Variants in CDKL5 observed in about 807,000 individuals in gnomAD.
CDKL5 encodes the protein cyclin-dependent kinase-like 5.
Under a neutral mutation model 61.7 loss-of-function variants are expected in CDKL5, and 8 were observed. The ratio of observed to expected loss-of-function variants is 0.13; its 90% confidence interval spans 0.08 to 0.23. CDKL5 has a LOEUF of 0.23. CDKL5 is among the 10% of genes least tolerant of loss of function. The pLI, the probability that CDKL5 is intolerant of heterozygous loss-of-function variation, is 1.00. For synonymous variants in CDKL5, 275 were observed against 272.3 expected, an observed-to-expected ratio of 1.01 and a Z score of -0.10; for missense variants, 440 against 734.5, an observed-to-expected ratio of 0.60 and a Z score of 4.63.
At chrX:18,451,871 A>G (rs988968801) in intron 1 of CDKL5, among the ~76,000 whole-genome samples, 2 of 112,261 alleles carry the variant, frequency 1.8e-5, no homozygotes, top group African/African-American at 6.5e-5. Context: ...AAAAATAAGC[A>G]TTAATGTTTA....
chrX:18,446,753 A>G (rs1269459901), intron 1 of CDKL5, among the ~76,000 whole-genome samples: 1 of 111,830 alleles, frequency 8.9e-6, no homozygotes, highest in Non-Finnish European at 1.9e-5. Context: ...AACTCTAGCC[A>G]CTGTTTTCAA....
chrX:18,459,936 G>A (rs994743103), intron 1 of CDKL5, among the ~76,000 whole-genome samples: 5 of 108,328 alleles, frequency 4.6e-5, no homozygotes, highest in African/African-American at 6.7e-5. Context: ...GCAATGGCAC[G>A]ATCTCGGCTC....
chrX:18,652,906 A>T (rs1412276870), intron 21 of CDKL5, among the ~76,000 whole-genome samples: 1 of 112,731 alleles, frequency 8.9e-6, no homozygotes, highest in Non-Finnish European at 1.9e-5. Context: ...TGTATATTTC[A>T]TATTCTAGCC....
In CDKL5 at chrX:18,558,012, G is replaced by A. The variant is rs767168621; in HGVS notation, c.100-6465G>A. On this transcript the variant is annotated intron_variant, in intron 3 of 17. Transcript: ENST00000623535. The stretch of plus-strand genomic sequence containing the variant: ...TTCCAGCTGGGGAAATTTATTCTGG[G>A]AAATGTGAAATGCCTTGATATAGTT... Among the ~76,000 whole-genome samples the A allele has an allele frequency of 2.9e-4, 32 of 110,491 alleles. No homozygotes were observed. In the South Asian group the frequency reaches 3.5e-3, roughly 12 times the overall value.
At chrX:18,553,465 C>CGTGTGTGTGTGTGTGTGTGTGTGCGT (rs1924474120) in intron 3 of CDKL5, among the ~76,000 whole-genome samples, 1 of 90,831 alleles carries the variant, frequency 1.1e-5, no homozygotes, top group African/African-American at 4.0e-5. Context: ...TGTGTGTGTG[C>CGTGTGTGTGTGTGTGTGTGTGTGCGT]GTGTGTGTGT....
At chrX:18,529,997 T>A (rs1371102424) in intron 3 of CDKL5, among the ~76,000 whole-genome samples, 2 of 111,456 alleles carry the variant, frequency 1.8e-5, no homozygotes, top group Middle Eastern at 4.6e-3. Flanking sequence ...CTTTTGTAAT[T>A]TTCCCATAAT....
intron 9 of CDKL5, among the ~76,000 whole-genome samples, chrX:18,593,745 C>T (rs1242251162): frequency 2.7e-5 from 3 of 112,608 alleles, no homozygotes; most frequent in Non-Finnish European, 5.6e-5. Context: ...CATAACATCA[C>T]TTCCCTCAGA....
intron 1 of CDKL5, among the ~76,000 whole-genome samples, chrX:18,438,255 G>A (rs1290468450): frequency 3.7e-5 from 4 of 108,680 alleles, no homozygotes; most frequent in Non-Finnish European, 7.6e-5. Flanking sequence ...TAGTAAAGAC[G>A]GGGTTTCACC....
chrX:18,490,951 C>G (rs1263531477), intron 1 of CDKL5, among the ~76,000 whole-genome samples: 4 of 111,973 alleles, frequency 3.6e-5, no homozygotes. Flanking sequence ...CTGTCCATGC[C>G]TCGCAAAGTT....
chrX:18,489,833 T>C (rs1921928249), intron 1 of CDKL5, among the ~76,000 whole-genome samples: 1 of 110,160 alleles, frequency 9.1e-6, no homozygotes, highest in East Asian at 2.9e-4. Context: ...GGAGGATCAC[T>C]GGAGTCCAGG....
intron 1 of CDKL5, among the ~76,000 whole-genome samples, chrX:18,487,354 C>T (rs1213258412): frequency 8.9e-6 from 1 of 112,410 alleles, no homozygotes; most frequent in Non-Finnish European, 1.9e-5. Context: ...CACCGGAGTG[C>T]ACTAGTGATC....
chrX:18,651,032 T>A (rs1928005739), intron 21 of CDKL5, among the ~76,000 whole-genome samples: 1 of 110,724 alleles, frequency 9.0e-6, no homozygotes, highest in African/African-American at 3.3e-5. Flanking sequence ...CCTTCTTGAA[T>A]TTTGCATGTT....
At chrX:18,595,995 A>G (rs150613799) in intron 10 of CDKL5, among the ~76,000 whole-genome samples, 385 of 111,150 alleles carry the variant, frequency 3.5e-3, no homozygotes, top group African/African-American at 0.012. Flanking sequence ...AAATTTCTTT[A>G]TTCAAGTTTA....
At chrX:18,653,592 A>G (rs1928143597) in exon 22 of CDKL5, 5 of 1,174,181 alleles carry the variant, frequency 4.3e-6, no homozygotes, top group Non-Finnish European at 5.8e-6. Context: ...CACCTCTCTC[A>G]TGGAAGAACC....
At chrX:18,651,293 G>A (rs1361129741) in intron 21 of CDKL5, among the ~76,000 whole-genome samples, 1 of 108,671 alleles carries the variant, frequency 9.2e-6, no homozygotes, top group Admixed American at 1.0e-4. Flanking sequence ...GAGAGACAGA[G>A]AGACACAGAG....
Position 18,604,336 on chromosome X carries a change from A to C in CDKL5, c.1412A>C (p.Asp471Ala). 1 of 1,210,065 alleles carries C rather than the reference A, an allele frequency of 8.3e-7. No individual in the cohort carries two copies. Among genetic ancestry groups the C allele is most frequent in the Non-Finnish European group, 1.1e-6 (1 of 894,392 alleles). Residue 471 changes from aspartate to alanine, a missense_variant, in exon 12 of 18, where the codon GAC (aspartate) becomes GCC (alanine). Physicochemically the swap from Asp to Ala is moderately radical, Grantham distance 126 (BLOSUM62 -2). Around this residue, in one of 2 missense-constraint regions of CDKL5, gnomAD observed 363 missense variants for 516.3 expected, o/e 0.70. Coordinates refer to ENST00000623535, the MANE Select transcript of CDKL5 (RefSeq NM_001323289.2). Reference protein sequence around the residue: ...NEKQSRHSYIDTIPQSSRSPS... With the variant: ...NEKQSRHSYIATIPQSSRSPS... ...AAGCAGAGTCGGCATAGCTATATTGACACAATTCCCCAGTCCTCTAGGAGT... is the reference window on the plus strand; with the variant it reads ...AAGCAGAGTCGGCATAGCTATATTGCCACAATTCCCCAGTCCTCTAGGAGT...
intron 1 of CDKL5, among the ~76,000 whole-genome samples, chrX:18,434,940 A>G (rs1412995931): frequency 1.8e-5 from 2 of 111,923 alleles, no homozygotes; most frequent in African/African-American, 3.3e-5. Flanking sequence ...AAAGGAAGAA[A>G]AAGATTTTGT....
intron 3 of CDKL5, among the ~76,000 whole-genome samples, chrX:18,528,032 A>G (rs1224666019): frequency 9.0e-6 from 1 of 111,122 alleles, no homozygotes; most frequent in Non-Finnish European, 1.9e-5. Flanking sequence ...TTCTATTTTT[A>G]TTCCGTTGTG....
chrX:18,546,258 C>CT (rs935420091), intron 3 of CDKL5, among the ~76,000 whole-genome samples: 1,315 of 90,424 alleles, frequency 0.015, 31 homozygotes, highest in African/African-American at 0.034. Flanking sequence ...TCTACTTCTT[C>CT]TTTTTTTTTT....
Sources: allele counts gnomAD v4.1 joint callset (sites outside exome capture counted in the v4.1 genomes callset), GRCh38; gene constraint gnomAD v4.1.1; regional missense constraint gnomAD v4.1.1; transcripts MANE v1.5; gene names NCBI Gene and HGNC (gene_info 2026-07-23, HGNC 2026-07-21).